Variants in USH2A observed in about 807,000 individuals in gnomAD.
The protein encoded by USH2A is usherin.
USH2A carries 443 observed loss-of-function variants against 538.9 expected under a neutral mutation model. The observed-to-expected ratio is 0.82, with a 90% CI of 0.76 to 0.89. USH2A has a LOEUF of 0.89. Among genes scored for constraint, USH2A ranks in the 40% least tolerant of loss-of-function variants. USH2A has a pLI of 0.00. For synonymous variants in USH2A, 2,413 were observed against 2,273.5 expected (o/e 1.06, Z -1.75); for missense variants, 6,633 against 6,324.8 (o/e 1.05, Z -1.65).
chr1:215,635,649 G>A (rs1165668808), intron 69 of USH2A, among the ~76,000 whole-genome samples: 2 of 151,688 alleles, frequency 1.3e-5, no homozygotes, highest in Non-Finnish European at 2.9e-5. Flanking sequence ...TCTGCCTCTT[G>A]GGTTCAAGTG....
At position 215,758,696 on chromosome 1, in the gene USH2A, T is replaced by C. The variant is rs187198330; in HGVS notation, c.11288A>G (p.Tyr3763Cys). ...TGTTGACATAGGTGTTTGAACAATG[T>C]AATCATCACTAGCACTGCTGCCACC... ...TGGGSSASDD[Y>C]IVQTPMSTPE... Residue 3763 changes from tyrosine to cysteine, a missense_variant, in exon 58 of 72, where the codon TAC becomes TGC. By Grantham distance (194) the Tyr-to-Cys change is radical. Coordinates refer to ENST00000307340, the MANE Select transcript of USH2A (RefSeq NM_206933.4). 15 of 1,613,992 alleles carry C rather than the reference T, an allele frequency of 9.3e-6. No homozygotes were observed. In the East Asian group the frequency reaches 2.9e-4, roughly 31 times the overall value.
intron 30 of USH2A, among the ~76,000 whole-genome samples, chr1:216,054,930 T>C (rs2030925822): frequency 6.6e-6 from 1 of 152,202 alleles, no homozygotes; most frequent in Admixed American, 6.5e-5. Context: ...GAAATCTGCA[T>C]GCAGCAACTG....
rs772773350 is a variant in USH2A, at chr1:215,934,688, C to T, written c.7228G>A (p.Val2410Ile). 1.2e-6 allele frequency: 2 copies of T among 1,612,774 alleles called. No homozygotes were observed. The highest frequency in any genetic ancestry group is 1.1e-5 in the South Asian group (1 of 91,062). ...TGGCTATTTGAAATATTCACTTGTA[C>T]AGTATAGTTGGTAAAAGGAACCAGC... ...DGLVPFTNYTVQVNISNSQGS... is the reference protein window; with the variant it reads ...DGLVPFTNYTIQVNISNSQGS... Residue 2410 changes from valine (V) to isoleucine (I), a missense_variant, in exon 38 of 72, where the codon GTA becomes ATA. By Grantham distance (29) the Val-to-Ile change is conservative. Coordinates refer to ENST00000307340, the MANE Select transcript of USH2A (RefSeq NM_206933.4).
At chr1:216,149,195 C>G (rs1285926146) in intron 21 of USH2A, among the ~76,000 whole-genome samples, 2 of 152,272 alleles carry the variant, frequency 1.3e-5, no homozygotes, top group African/African-American at 4.8e-5. Context: ...CTGTGTGCAG[C>G]GGCTGCCGCT....
intron 54 of USH2A, 48 bp downstream of exon 54, chr1:215,781,994 T>C: frequency 6.2e-7 from 1 of 1,611,740 alleles, no homozygotes; most frequent in East Asian, 2.2e-5. Context: ...GTTCAGATAA[T>C]CTTCACACTG....
Position 216,289,269 on chromosome 1 carries a change from G to A in USH2A, c.1971+11C>T. ...AGTAATCCTTTACCTTAAATACTCAGAAAAACTCACCTGATCACAAAGAAT... is the reference window on the plus strand; with the variant it reads ...AGTAATCCTTTACCTTAAATACTCAAAAAAACTCACCTGATCACAAAGAAT... On this transcript the variant is annotated intron_variant, in intron 11 of 71. Coordinates refer to ENST00000307340, the MANE Select transcript of USH2A (RefSeq NM_206933.4). 4 of 1,613,678 alleles carry A rather than the reference G, an allele frequency of 2.5e-6. No homozygotes were observed. Among genetic ancestry groups the A allele is most frequent in the African/African-American group, 1.3e-5 (1 of 74,994 alleles).
intron 64 of USH2A, among the ~76,000 whole-genome samples, chr1:215,663,205 C>T (rs1170547177): frequency 6.6e-6 from 1 of 152,104 alleles, no homozygotes; most frequent in Non-Finnish European, 1.5e-5. Flanking sequence ...CTTAACCTGG[C>T]TTTTTTACAG....
intron 21 of USH2A, among the ~76,000 whole-genome samples, chr1:216,163,173 A>G (rs1174162103): frequency 6.6e-6 from 1 of 151,942 alleles, no homozygotes; most frequent in Non-Finnish European, 1.5e-5. Context: ...ACATTGTTGC[A>G]TACGATATTA....
chr1:216,014,950 ATCT>A (rs1288969210), intron 32 of USH2A, among the ~76,000 whole-genome samples: 1 of 152,190 alleles, frequency 6.6e-6, no homozygotes, highest in Non-Finnish European at 1.5e-5. Context: ...AGGAATTTAT[ATCT>A]TCTTATTTGT....
At chr1:215,763,227 TG>T (rs1558087412) in intron 56 of USH2A, among the ~76,000 whole-genome samples, 1 of 152,162 alleles carries the variant, frequency 6.6e-6, no homozygotes, top group African/African-American at 2.4e-5. Flanking sequence ...TCATGTATCA[TG>T]GTGAATAAAG....
rs890147222 is a variant in USH2A at position 216,261,882 on chromosome 1, C to G, written c.1972-10784G>C. On this transcript the variant is annotated intron_variant, in intron 11 of 71. Coordinates refer to ENST00000307340, the MANE Select transcript of USH2A (RefSeq NM_206933.4). The stretch of plus-strand genomic sequence containing the variant: ...CATCCTGATAACTCACTCAATAAGC[C>G]TGATTCCAGTAAAGTCATGTCACTG... Among the ~76,000 whole-genome samples the G allele has an allele frequency of 3.3e-5, 5 of 152,256 alleles. No homozygotes were observed. The South Asian group carries it at 8.3e-4, about 25-fold the overall frequency.
chr1:215,627,485 TTTCCTTCCTTCC>T (rs1462172191), intron 71 of USH2A, among the ~76,000 whole-genome samples: 1 of 94,500 alleles, frequency 1.1e-5, no homozygotes, highest in African/African-American at 4.1e-5. Flanking sequence ...TCCTTCCTTC[TTTCCTTCCTTCC>T]TTCCTTCTTT....
intron 14 of USH2A, among the ~76,000 whole-genome samples, chr1:216,230,765 C>A (rs1468070608): frequency 6.6e-6 from 1 of 151,938 alleles, no homozygotes; most frequent in South Asian, 2.1e-4. Context: ...ACAGATTTGA[C>A]TCATTTTATT....
intron 47 of USH2A, among the ~76,000 whole-genome samples, chr1:215,828,965 A>T (rs1298922399): frequency 6.6e-6 from 1 of 152,210 alleles, no homozygotes; most frequent in Non-Finnish European, 1.5e-5. Flanking sequence ...CATCCAGGTC[A>T]GTCTCTACAT....
At chr1:216,382,269 AG>A (rs759367120) in intron 3 of USH2A, among the ~76,000 whole-genome samples, 1 of 152,224 alleles carries the variant, frequency 6.6e-6, no homozygotes, top group Non-Finnish European at 1.5e-5. Context: ...TCAGATTTTG[AG>A]ATAAGAAAAG....
rs397517980 is a variant in USH2A, at chr1:215,675,549, C to T, written c.12362G>A (p.Arg4121His). The T allele has an allele frequency of 1.1e-5, 18 of 1,613,964 alleles. No individual in the cohort carries two copies. The highest frequency in any genetic ancestry group is 3.3e-5 in the Admixed American group (2 of 59,986). ...TGTGTAGAGAGTGAAAGGATCCAGG[C>T]GGCGGAAGAGAAACTGACGATTCAA... ...SGLNRQFLFR[R>H]LDPFTLYTLT... Residue 4121 changes from arginine to histidine, a missense_variant, in exon 63 of 72, where the codon CGC becomes CAC. Transcript: ENST00000307340.
chr1:215,822,998 T>C (rs1663053945), intron 47 of USH2A, among the ~76,000 whole-genome samples: 3 of 152,214 alleles, frequency 2.0e-5, no homozygotes, highest in Middle Eastern at 6.8e-3. Flanking sequence ...TGTCTATCTC[T>C]TAACACGTTG....
intron 71 of USH2A, among the ~76,000 whole-genome samples, chr1:215,627,461 C>CTTCCTTCCTTCCTTCCTTCCTTCT (rs1656091423): frequency 7.5e-6 from 1 of 133,276 alleles, no homozygotes; most frequent in Non-Finnish European, 1.6e-5. Flanking sequence ...TCCTTCCTTC[C>CTTCCTTCCTTCCTTCCTTCCTTCT]TTCCTTCCTT....
At chr1:216,418,823 A>C in intron 2 of USH2A, 144 bp from the exon 3 acceptor site, 1 of 757,060 alleles carries the variant, frequency 1.3e-6, no homozygotes, top group South Asian at 1.6e-5. Context: ...GAATGTCATT[A>C]TATTCAATGA....
Sources: gnomAD v4.1 joint callset for allele counts (sites outside exome capture counted in the v4.1 genomes callset) on GRCh38, gnomAD v4.1.1 for gene constraint, MANE v1.5 for transcripts, NCBI Gene and HGNC (gene_info 2026-07-23, HGNC 2026-07-21) for gene names.